Variants in LCT observed in about 807,000 individuals in gnomAD.
LCT encodes the protein lactase/phlorizin hydrolase.
Under a neutral mutation model 173.0 loss-of-function variants are expected in LCT, and 90 were observed. The ratio of observed to expected loss-of-function variants is 0.52; its 90% CI spans 0.44 to 0.62. The LOEUF (loss-of-function observed/expected upper bound fraction) is 0.62. LCT is among the 20% of genes least tolerant of loss of function. The pLI, the probability that LCT is intolerant of heterozygous loss-of-function variation, is 0.00. For synonymous variants in LCT, 853 were observed against 957.6 expected (o/e 0.89, Z 2.02); for missense variants, 1,864 against 2,431.4 (o/e 0.77, Z 4.91).
At chr2:135,826,681 G>C (rs1175041580) in intron 3 of LCT, among the ~76,000 whole-genome samples, 1 of 152,208 alleles carries the variant, frequency 6.6e-6, no homozygotes, top group Non-Finnish European at 1.5e-5. Flanking sequence ...GCACAACAGA[G>C]ATGGTTTTAA....
Position 135,817,621 on chromosome 2 carries a change from T to TCC in LCT, c.1426_1427insGG (p.Tyr476TrpfsTer6). Reference sequence around the variant, plus strand: ...TAGCCTGTCAATCAGCTTGTTGTAGTAGGCAACGCCTGGGAGGCTGGGGCT... The same window carrying TCC: ...TAGCCTGTCAATCAGCTTGTTGTAGTCCAGGCAACGCCTGGGAGGCTGGGGCT... On this transcript the variant is annotated frameshift_variant, in exon 6 of 17. Coordinates refer to ENST00000264162, the MANE Select transcript of LCT (RefSeq NM_002299.4). LOFTEE classifies it high-confidence loss of function. The TCC allele has an allele frequency of 1.2e-6, 2 of 1,614,028 alleles. No individual in the cohort carries two copies. The highest frequency in any genetic ancestry group is 1.7e-6 in the Non-Finnish European group (2 of 1,179,976).
At position 135,812,629 on chromosome 2, in the gene LCT, C is replaced by T. The variant is rs866627023; in HGVS notation, c.2035G>A (p.Asp679Asn). The change falls in exon 7 of 17, where the codon GAT becomes AAT. Residue 679 changes from aspartate (D) to asparagine (N), a missense_variant. By Grantham distance (23) the Asp-to-Asn change is conservative (BLOSUM62 1). Around this residue, in one of 4 missense-constraint regions of LCT, gnomAD observed 755 missense variants for 926.3 expected, o/e 0.82. Coordinates refer to ENST00000264162, the MANE Select transcript of LCT (RefSeq NM_002299.4). ...AEKQLLKGSA[D>N]FLGLSHYTSR... ...GTGTAATGCGACAGACCCAGAAAATCAGCAGAGCCTTTCAGGAGCTGCTTC... is the reference window on the plus strand; with the variant it reads ...GTGTAATGCGACAGACCCAGAAAATTAGCAGAGCCTTTCAGGAGCTGCTTC... 1 of 1,611,168 alleles carries T rather than the reference C, an allele frequency of 6.2e-7. No individual in the cohort carries two copies. The highest frequency in any genetic ancestry group is 8.5e-7 in the Non-Finnish European group (1 of 1,177,488).
At chr2:135,791,470 G>A (rs994099577) in intron 14 of LCT, among the ~76,000 whole-genome samples, 4 of 152,194 alleles carry the variant, frequency 2.6e-5, no homozygotes, top group African/African-American at 9.7e-5. Context: ...GGTGCCTGCT[G>A]GGGGAGGCCA....
intron 5 of LCT, among the ~76,000 whole-genome samples, chr2:135,821,171 G>T (rs2077826241): frequency 6.6e-6 from 1 of 152,102 alleles, no homozygotes; most frequent in African/African-American, 2.4e-5. Flanking sequence ...GTGAGCCACC[G>T]TGCCCGGCAA....
At chr2:135,831,758 A>C (rs915822924) in intron 2 of LCT, among the ~76,000 whole-genome samples, 1 of 152,106 alleles carries the variant, frequency 6.6e-6, no homozygotes, top group Non-Finnish European at 1.5e-5. Flanking sequence ...TGGGGCCCCC[A>C]TCAACGCACA....
intron 4 of LCT, among the ~76,000 whole-genome samples, chr2:135,823,299 A>G (rs979939536): frequency 2.6e-5 from 4 of 152,118 alleles, no homozygotes; most frequent in Non-Finnish European, 4.4e-5. Flanking sequence ...CCTCAATGCT[A>G]TCATAGACCC....
chr2:135,821,938 CCT>C, intron 5 of LCT, 80 bp downstream of exon 5: 3 of 869,088 alleles, frequency 3.5e-6, no homozygotes, highest in Non-Finnish European at 5.9e-6. Context: ...TGACAACAGT[CCT>C]ATAAGATTAT....
chr2:135,816,571 C>G (rs2105541717), intron 6 of LCT, among the ~76,000 whole-genome samples: 1 of 152,306 alleles, frequency 6.6e-6, no homozygotes, highest in South Asian at 2.1e-4. Flanking sequence ...CAAATTCCAC[C>G]CTGATCAGGC....
At chr2:135,828,284 A>G (rs2077903789) in intron 3 of LCT, among the ~76,000 whole-genome samples, 1 of 152,130 alleles carries the variant, frequency 6.6e-6, no homozygotes, top group Non-Finnish European at 1.5e-5. Context: ...CGGCCTCCCA[A>G]AGTGCTGGGA....
rs1296883178 is a variant in LCT at position 135,812,560 on chromosome 2, T to C, written c.2104A>G (p.Ser702Gly). The change falls in exon 7 of 17, where the codon AGC (serine) becomes GGC (glycine). Residue 702 changes from serine to glycine, a missense_variant. Ser to Gly is a moderately conservative substitution (Grantham distance 56, BLOSUM62 0). This residue lies in a region of LCT where 755 missense variants were observed against 926.3 expected (regional missense o/e 0.82). Coordinates refer to ENST00000264162, the MANE Select transcript of LCT (RefSeq NM_002299.4). Reference protein sequence around the residue: ...SNAPQNTCIPSYDTIGGFSQH... With the variant: ...SNAPQNTCIPGYDTIGGFSQH... Reference sequence around the variant, plus strand: ...GAGAAGCCTCCAATGGTATCATAGCTAGGGATGCAGGTGTTTTGTGGGGCG... The same window carrying C: ...GAGAAGCCTCCAATGGTATCATAGCCAGGGATGCAGGTGTTTTGTGGGGCG... The C allele has an allele frequency of 6.2e-7, 1 of 1,613,940 alleles. No individual in the cohort carries two copies.
At chr2:135,799,572 C>T (rs1044746828) in intron 12 of LCT, among the ~76,000 whole-genome samples, 106 of 151,740 alleles carry the variant, frequency 7.0e-4, no homozygotes, top group African/African-American at 2.2e-3. Context: ...GCCTTAGCCT[C>T]CAGAGTAGTT....
intron 14 of LCT, chr2:135,794,417 C>T (rs1298602788): frequency 1.8e-6 from 1 of 553,312 alleles, no homozygotes; most frequent in Non-Finnish European, 3.2e-6. Context: ...AAAAGCCAAG[C>T]ACATGTGCCC....
chr2:135,800,627 C>T lies in LCT; in HGVS notation c.4846G>A (p.Ala1616Thr), dbSNP rs769003134. The change falls in exon 12 of 17, where the codon GCA becomes ACA. Residue 1616 changes from alanine to threonine, a missense_variant. Physicochemically the swap from Ala to Thr is moderately conservative, Grantham distance 58. Around this residue, in one of 4 missense-constraint regions of LCT, gnomAD observed 514 missense variants for 750.1 expected, o/e 0.69. Transcript: ENST00000264162. Reference sequence around the variant, plus strand: ...CAGACCTGAACATATCTCCTGGCTGCCTCCACATCCTCCTGGTTAGAGGGA... The same window carrying T: ...CAGACCTGAACATATCTCCTGGCTGTCTCCACATCCTCCTGGTTAGAGGGA... Reference protein sequence around the residue: ...RDPSNQEDVEAARRYVQFMGG... With the variant: ...RDPSNQEDVETARRYVQFMGG... 3 of 1,612,406 alleles carry T rather than the reference C, an allele frequency of 1.9e-6. No homozygotes were observed. Among genetic ancestry groups the T allele is most frequent in the Non-Finnish European group, 2.5e-6 (3 of 1,179,910 alleles).
chr2:135,833,686 T>G (rs143734541), intron 1 of LCT, among the ~76,000 whole-genome samples: 1 of 151,480 alleles, frequency 6.6e-6, no homozygotes. Context: ...GACCTCATGA[T>G]CTGCCCGCCT....
intron 12 of LCT, among the ~76,000 whole-genome samples, chr2:135,799,854 C>A (rs1366533774): frequency 6.6e-6 from 1 of 152,224 alleles, no homozygotes; most frequent in African/African-American, 2.4e-5. Context: ...ATGAGTTTCA[C>A]AGAATCTAAA....
At chr2:135,806,482 C>G (rs935835273) in intron 9 of LCT, among the ~76,000 whole-genome samples, 2 of 152,164 alleles carry the variant, frequency 1.3e-5, no homozygotes, top group African/African-American at 4.8e-5. Context: ...CTAGGCCTTC[C>G]CATTCACTCA....
intron 13 of LCT, among the ~76,000 whole-genome samples, chr2:135,797,359 G>A (rs943140260): frequency 6.6e-6 from 1 of 152,070 alleles, no homozygotes; most frequent in Admixed American, 6.5e-5. Flanking sequence ...GGAGCGGTGG[G>A]CATGTTCCCG....
intron 6 of LCT, among the ~76,000 whole-genome samples, chr2:135,813,627 G>C (rs1193477587): frequency 6.6e-6 from 1 of 152,196 alleles, no homozygotes; most frequent in Non-Finnish European, 1.5e-5. Context: ...AACTTCACAA[G>C]GCCAAGAGTC....
rs866304022 is a variant in LCT at position 135,809,492 on chromosome 2, G to A, written c.2855C>T (p.Ala952Val). Reference sequence around the variant, plus strand: ...ATCCAGCTGGTGATAGCTGTCACAGGCGATGTCTCCAGTGGCATTGTCTTT... The same window carrying A: ...ATCCAGCTGGTGATAGCTGTCACAGACGATGTCTCCAGTGGCATTGTCTTT... Reference protein sequence around the residue: ...NVKDNATGDIACDSYHQLDAD... With the variant: ...NVKDNATGDIVCDSYHQLDAD... The change falls in exon 8 of 17, where the codon GCC (alanine) becomes GTC (valine). Residue 952 changes from alanine to valine, a missense_variant. This residue lies in a region of LCT where 755 missense variants were observed against 926.3 expected (regional missense o/e 0.82). Coordinates refer to ENST00000264162, the MANE Select transcript of LCT (RefSeq NM_002299.4). This position sits in a 1 kb window ranked among gnomAD's most constrained non-coding sequence, Gnocchi z 5.5. 9 of 1,614,234 alleles carry A rather than the reference G, an allele frequency of 5.6e-6. No individual in the cohort carries two copies. The highest frequency in any genetic ancestry group is 7.6e-6 in the Non-Finnish European group (9 of 1,180,054).
Sources: gnomAD v4.1 joint callset for allele counts (sites outside exome capture counted in the v4.1 genomes callset) on GRCh38, gnomAD v4.1.1 for gene constraint, gnomAD v4.1.1 regional missense constraint, Gnocchi (gnomAD v3.1) non-coding constraint, MANE v1.5 for transcripts, NCBI Gene and HGNC (gene_info 2026-07-23, HGNC 2026-07-21) for gene names.